The following LEO1 variants were observed in gnomAD, a reference collection of about 807,000 sequenced individuals.
The protein encoded by LEO1 is LEO1 component of Paf1/RNA polymerase II complex.
A neutral mutation model predicts 80.4 loss-of-function variants in LEO1; 34 were observed. That is an observed-to-expected ratio of 0.42 (90% CI 0.32 to 0.56). The LOEUF (loss-of-function observed/expected upper bound fraction) is 0.56, where lower values mean the gene tolerates loss of function less well. Among genes scored for constraint, LEO1 ranks in the 20% least tolerant of loss-of-function variants. LEO1 has a pLI of 0.10. For synonymous variants in LEO1, 262 were observed against 274.9 expected (o/e 0.95, Z 0.46); for missense variants, 631 against 814.2 (o/e 0.77, Z 2.74).
At chr15:51,941,497 G>A (rs555566578) in intron 11 of LEO1, among the ~76,000 whole-genome samples, 5 of 152,222 alleles carry the variant, frequency 3.3e-5, no homozygotes, top group Admixed American at 6.5e-5. Context: ...TTCACAGAAC[G>A]TACCTGTTTT....
chr15:51,944,503 G>A (rs1324592426), intron 11 of LEO1, among the ~76,000 whole-genome samples: 1 of 152,092 alleles, frequency 6.6e-6, no homozygotes, highest in African/African-American at 2.4e-5. Flanking sequence ...GTACCAGTTA[G>A]GGTAAAGGAT....
rs2056935818 is a variant in LEO1 at position 51,950,006 on chromosome 15, C to T, written c.1612-12G>A. ...CGTTCTTCTTCTTTCTGTAAAGAAG[C>T]AAATAACCTCTTTAACCTAAAAAGG... On this transcript the variant is annotated splice_polypyrimidine_tract_variant and intron_variant, in intron 9 of 11. Coordinates refer to ENST00000299601, the MANE Select transcript of LEO1 (RefSeq NM_138792.4). The T allele has an allele frequency of 6.2e-7, 1 of 1,602,194 alleles. No homozygotes were observed. The highest frequency in any genetic ancestry group is 8.5e-7 in the Non-Finnish European group (1 of 1,175,334).
intron 11 of LEO1, among the ~76,000 whole-genome samples, chr15:51,943,871 G>A (rs2056878004): frequency 6.6e-6 from 1 of 150,416 alleles, no homozygotes; most frequent in Non-Finnish European, 1.5e-5. Context: ...TAGTAGATTT[G>A]AACTAGGATC....
Position 51,971,756 on chromosome 15 carries a change from G to T in LEO1, c.-11C>A, listed in dbSNP as rs72732960. The T allele has an allele frequency of 6.2e-7, 1 of 1,614,060 alleles. No individual in the cohort carries two copies. Among genetic ancestry groups the T allele is most frequent in the South Asian group, 1.1e-5 (1 of 91,086 alleles). The stretch of plus-strand genomic sequence containing the variant: ...CTCCATATCCGCCATTATCGCTCAC[G>T]TCCGCTGCTGCCTCGGTTAGGGGCA... On this transcript the variant is annotated 5_prime_UTR_variant, in exon 1 of 12. Coordinates refer to ENST00000299601, the MANE Select transcript of LEO1 (RefSeq NM_138792.4).
At chr15:51,964,515 G>A (rs1221313215) in intron 2 of LEO1, among the ~76,000 whole-genome samples, 7 of 147,808 alleles carry the variant, frequency 4.7e-5, no homozygotes, top group South Asian at 4.4e-4. Context: ...AAACCTGCAC[G>A]TTGTGCACAT....
intron 1 of LEO1, among the ~76,000 whole-genome samples, chr15:51,971,464 G>A (rs1283841080): frequency 2.0e-5 from 3 of 152,188 alleles, no homozygotes; most frequent in Non-Finnish European, 4.4e-5. Context: ...CAAGCTCCCA[G>A]GAACCGTCTG....
At chr15:51,967,849 A>G (rs2057090409) in intron 1 of LEO1, among the ~76,000 whole-genome samples, 1 of 152,230 alleles carries the variant, frequency 6.6e-6, no homozygotes, top group Admixed American at 6.5e-5. Flanking sequence ...CATAAATTGG[A>G]CTTCCACAAA....
intron 2 of LEO1, among the ~76,000 whole-genome samples, chr15:51,962,733 CA>C (rs982375110): frequency 6.6e-6 from 1 of 152,026 alleles, no homozygotes; most frequent in African/African-American, 2.4e-5. Context: ...ATGACATTTC[CA>C]AAAAACCAAA....
At position 51,954,573 on chromosome 15, in the gene LEO1, T is replaced by C. The variant is rs139676891; in HGVS notation, c.1248A>G (p.Val416=). The part of the protein sequence containing the change: ...EEGRTRLKLK[V]ENTIRWRIRR... ...GTATCCTCCATCTTATAGTATTTTC[T>C]ACCTGTTTCACAACACAAGTACTTT... is the stretch of plus-strand genomic sequence containing the variant. The change falls in exon 7 of 12, where the codon GTA becomes GTG. Residue 416 remains valine (V), a splice_region_variant and synonymous_variant. Transcript: ENST00000299601. 65 of 1,601,416 alleles carry C rather than the reference T, an allele frequency of 4.1e-5. No homozygotes were observed. Among genetic ancestry groups the C allele is most frequent in the Non-Finnish European group, 5.3e-5 (62 of 1,168,864 alleles).
rs1443107229 is a variant in LEO1 at position 51,962,468 on chromosome 15, T to C, written c.840A>G (p.Glu280=). The C allele has an allele frequency of 4.3e-6, 7 of 1,613,286 alleles. No individual in the cohort carries two copies. In the South Asian group the frequency reaches 6.6e-5, roughly 15 times the overall value. The part of the protein sequence containing the change: ...KSESARGSDS[E]DEVLRMKRKN... ...TGCGTTTCATTCGTAAAACTTCATC[T>C]TCACTATCACTGCCTCTTGCAGATT... Residue 280 remains glutamate, a synonymous_variant, in exon 3 of 12, where the codon GAA becomes GAG. Transcript: ENST00000299601.
At chr15:51,952,042 C>G in intron 8 of LEO1, 63 bp from the exon 9 acceptor site, 1 of 1,467,922 alleles carries the variant, frequency 6.8e-7, no homozygotes, top group Non-Finnish European at 9.3e-7. Context: ...GCCAGTGATA[C>G]CCACGTCACA....
chr15:51,955,520 A>G (rs767837095), intron 6 of LEO1, among the ~76,000 whole-genome samples: 5 of 152,246 alleles, frequency 3.3e-5, no homozygotes, highest in Non-Finnish European at 7.3e-5. Context: ...AAAACATGGC[A>G]TACTAAACGC....
chr15:51,938,116 T>C lies in LEO1; in HGVS notation c.*40A>G, dbSNP rs757170276. On this transcript the variant is annotated 3_prime_UTR_variant, in exon 12 of 12. Coordinates refer to ENST00000299601, the MANE Select transcript of LEO1 (RefSeq NM_138792.4). ...TAACTCATGTTTACATATTTATAACTGTACAATAAAATATATAAAATGTTT... is the reference window on the plus strand; with the variant it reads ...TAACTCATGTTTACATATTTATAACCGTACAATAAAATATATAAAATGTTT... 7.8e-6 allele frequency: 8 copies of C among 1,022,430 alleles called. No homozygotes were observed. In the Admixed American group the frequency reaches 1.6e-4, roughly 21 times the overall value. 63.3% of individuals were successfully genotyped at this position (1,022,430 alleles called of 1,614,324 possible). A position where few individuals can be genotyped will look rare whatever the true frequency, so the allele number is the denominator to read the frequency against.
intron 1 of LEO1, among the ~76,000 whole-genome samples, chr15:51,968,861 C>G (rs753835715): frequency 7.2e-5 from 11 of 152,010 alleles, no homozygotes; most frequent in Non-Finnish European, 1.3e-4. Flanking sequence ...AAACAACCTA[C>G]AGAATGGAAG....
chr15:51,950,093 G>T, intron 9 of LEO1, 99 bp from the exon 10 acceptor site: 1 of 1,030,530 alleles, frequency 9.7e-7, no homozygotes, highest in Non-Finnish European at 1.4e-6. Flanking sequence ...GTCTGGTCCA[G>T]ATAACAGCTG....
intron 10 of LEO1, among the ~76,000 whole-genome samples, chr15:51,948,330 T>C (rs75756083): frequency 0.031 from 4,744 of 152,312 alleles, 117 homozygotes; most frequent in Non-Finnish European, 0.05. Context: ...GTTACACACC[T>C]CTCTCTCTTA....
chr15:51,938,395 G>C, intron 11 of LEO1, 135 bp from the exon 12 acceptor site: 2 of 606,086 alleles, frequency 3.3e-6, no homozygotes, highest in Non-Finnish European at 5.8e-6. Context: ...GAGGGAGATT[G>C]TGAGGTGTCA....
rs890581540 is a variant in LEO1 at position 51,965,775 on chromosome 15, T to C, written c.788A>G (p.Asp263Gly). The C allele has an allele frequency of 6.2e-7, 1 of 1,609,964 alleles. No individual in the cohort carries two copies. Among genetic ancestry groups the C allele is most frequent in the Admixed American group, 1.7e-5 (1 of 58,922 alleles). Reference protein sequence around the residue: ...ASDEEHRHSDDEEEQDHKSES... With the variant: ...ASDEEHRHSDGEEEQDHKSES... The stretch of plus-strand genomic sequence containing the variant: ...TGATTTATGATCCTGTTCCTCTTCA[T>C]CATCTGAATGCCTGTGTTCTTCATC... Residue 263 changes from aspartate to glycine, a missense_variant, in exon 2 of 12, where the codon GAT becomes GGT. Transcript: ENST00000299601.
chr15:51,950,297 C>G (rs1304440892), intron 9 of LEO1, among the ~76,000 whole-genome samples: 1 of 152,216 alleles, frequency 6.6e-6, no homozygotes, highest in South Asian at 2.1e-4. Context: ...CAGAGAGAAG[C>G]AACCCGCCTG....
Sources: allele counts gnomAD v4.1 joint callset (sites outside exome capture counted in the v4.1 genomes callset), GRCh38; gene constraint gnomAD v4.1.1; transcripts MANE v1.5; gene names NCBI Gene and HGNC (gene_info 2026-07-23, HGNC 2026-07-21).